NEGR1: variants seen among roughly 807,000 people sequenced by gnomAD.
The protein encoded by NEGR1 is IgLON family member 4.
In NEGR1, 10 loss-of-function variants were observed where a neutral mutation model predicts 40.9. The observed-to-expected ratio is 0.24, with a 90% CI of 0.15 to 0.42. The LOEUF (loss-of-function observed/expected upper bound fraction) is 0.42, where lower values mean the gene tolerates loss of function less well. NEGR1 is among the 10% of genes least tolerant of loss of function. The probability of loss-of-function intolerance (pLI) is 1.00; values close to 1 mark genes in which losing one functional copy is unlikely to be tolerated. For missense variants in NEGR1, 352 were observed against 438.9 expected (o/e 0.80, Z 1.77); for synonymous variants, 185 against 166.8 (o/e 1.11, Z -0.84).
chr1:71,926,731 C>T (rs897953673), intron 2 of NEGR1, among the ~76,000 whole-genome samples: 6 of 151,526 alleles, frequency 4.0e-5, no homozygotes, highest in African/African-American at 1.5e-4. Context: ...ATATTATCAA[C>T]TTAGTAATTC....
At chr1:71,754,702 T>C (rs558643557) in intron 3 of NEGR1, among the ~76,000 whole-genome samples, 59 of 151,690 alleles carry the variant, frequency 3.9e-4, no homozygotes, top group African/African-American at 1.4e-3. Context: ...CTGAAAGTGC[T>C]TTTATGAAGG....
intron 2 of NEGR1, among the ~76,000 whole-genome samples, chr1:71,820,185 G>C (rs905914198): frequency 2.6e-5 from 4 of 151,986 alleles, no homozygotes; most frequent in African/African-American, 9.7e-5. Context: ...ACCAGTGGGG[G>C]CAAAATAAAC....
rs144159227 is a variant in NEGR1 at position 72,238,612 on chromosome 1, A to T, written c.176+43707T>A. ...GTACCATCCTCCTGAGGCACCTTCA[A>T]CCTGGCACTGGAAATCTAGCAAGGT... On this transcript the variant is annotated intron_variant, in intron 1 of 6. Transcript: ENST00000357731. Among the ~76,000 whole-genome samples the T allele has an allele frequency of 4.8e-3, 722 of 151,952 alleles. 7 individuals carry two copies. Among genetic ancestry groups the T allele is most frequent in the African/African-American group, 0.017 (695 of 41,512 alleles).
intron 4 of NEGR1, among the ~76,000 whole-genome samples, chr1:71,662,694 T>G (rs1306981892): frequency 6.6e-6 from 1 of 151,176 alleles, no homozygotes; most frequent in Non-Finnish European, 1.5e-5. Flanking sequence ...CAAGAATATA[T>G]ATATAATATT....
At chr1:71,851,986 T>C (rs1005198896) in intron 2 of NEGR1, among the ~76,000 whole-genome samples, 1 of 152,238 alleles carries the variant, frequency 6.6e-6, no homozygotes, top group South Asian at 2.1e-4. Flanking sequence ...ATTCAGGAAA[T>C]AGCATAGCAA....
At chr1:72,153,829 G>A (rs532803996) in intron 1 of NEGR1, among the ~76,000 whole-genome samples, 3 of 151,902 alleles carry the variant, frequency 2.0e-5, no homozygotes, top group East Asian at 3.9e-4. Flanking sequence ...ACTAACTCAC[G>A]GTAGCATGGA....
intron 6 of NEGR1, among the ~76,000 whole-genome samples, chr1:71,500,050 A>T (rs1033698213): frequency 5.3e-5 from 8 of 152,110 alleles, no homozygotes; most frequent in Non-Finnish European, 1.0e-4. Context: ...TTATGAATTT[A>T]AAAAATCAAA....
intron 1 of NEGR1, among the ~76,000 whole-genome samples, chr1:72,166,683 T>C (rs559717402): frequency 6.6e-6 from 1 of 152,200 alleles, no homozygotes; most frequent in South Asian, 2.1e-4. Context: ...TACTGCATGA[T>C]CTCACTTATG....
chr1:71,415,708 T>C (rs1030883307), intron 6 of NEGR1, among the ~76,000 whole-genome samples: 2 of 152,160 alleles, frequency 1.3e-5, no homozygotes, highest in African/African-American at 4.8e-5. Context: ...GTTTTCCAAA[T>C]GTTTTGGATT....
chr1:71,535,805 T>A (rs1647492343), intron 6 of NEGR1, among the ~76,000 whole-genome samples: 1 of 151,686 alleles, frequency 6.6e-6, no homozygotes, highest in Non-Finnish European at 1.5e-5. Flanking sequence ...AGGACTCAGA[T>A]AAAATAGGGA....
At chr1:71,829,232 A>C (rs772863709) in intron 2 of NEGR1, among the ~76,000 whole-genome samples, 1 of 151,820 alleles carries the variant, frequency 6.6e-6, no homozygotes, top group Non-Finnish European at 1.5e-5. Context: ...TTTTCCTTTG[A>C]GTTTTTTTTC....
At chr1:71,553,206 A>G (rs1648142947) in intron 6 of NEGR1, among the ~76,000 whole-genome samples, 1 of 151,564 alleles carries the variant, frequency 6.6e-6, no homozygotes, top group Admixed American at 6.6e-5. Context: ...AAAATATCTT[A>G]ACTTTTGATT....
At chr1:71,604,427 G>A (rs1650018291) in intron 5 of NEGR1, among the ~76,000 whole-genome samples, 1 of 151,922 alleles carries the variant, frequency 6.6e-6, no homozygotes, top group African/African-American at 2.4e-5. Flanking sequence ...AATATAAGAA[G>A]GGGAGAAGAC....
At chr1:72,000,426 A>T (rs1033154383) in intron 1 of NEGR1, among the ~76,000 whole-genome samples, 3 of 150,970 alleles carry the variant, frequency 2.0e-5, no homozygotes, top group African/African-American at 7.3e-5. Flanking sequence ...GGCAAAATAT[A>T]AAAAAAAATG....
intron 3 of NEGR1, among the ~76,000 whole-genome samples, chr1:71,724,532 C>A (rs1162386067): frequency 6.6e-6 from 1 of 151,976 alleles, no homozygotes; most frequent in Non-Finnish European, 1.5e-5. Context: ...CATTGGATGG[C>A]ATATGTTGTT....
At chr1:71,613,684 A>G (rs1442507746) in intron 4 of NEGR1, among the ~76,000 whole-genome samples, 1 of 151,886 alleles carries the variant, frequency 6.6e-6, no homozygotes, top group Non-Finnish European at 1.5e-5. Flanking sequence ...TTTTGGAGGG[A>G]AACATTAGGA....
At chr1:72,264,998 G>A (rs1009565433) in intron 1 of NEGR1, among the ~76,000 whole-genome samples, 24 of 150,284 alleles carry the variant, frequency 1.6e-4, no homozygotes, top group African/African-American at 5.3e-4. Context: ...ATAAATTTCC[G>A]GTTATTTATT....
chr1:71,465,504 T>G (rs1186307417), intron 6 of NEGR1, among the ~76,000 whole-genome samples: 1 of 152,070 alleles, frequency 6.6e-6, no homozygotes, highest in East Asian at 1.9e-4. Context: ...ACATGTTGAT[T>G]TGGAGAAAAA....
rs75044687 is a variant in NEGR1, at chr1:72,162,226, T to C, written c.176+120093A>G. 1.7e-4 allele frequency among the ~76,000 whole-genome samples: 26 copies of C among 151,198 alleles called. No homozygotes were observed. The East Asian group carries it at 5.1e-3, about 30-fold the overall frequency. On this transcript the variant is annotated intron_variant, in intron 1 of 6. Transcript: ENST00000357731. Reference sequence around the variant, plus strand: ...CAGCACTTTGAGAGGCCGAGGCGGGTGGATCACCTGAGGTCAGGAGTTCGA... The same window carrying C: ...CAGCACTTTGAGAGGCCGAGGCGGGCGGATCACCTGAGGTCAGGAGTTCGA...
Sources: allele counts gnomAD v4.1 joint callset (sites outside exome capture counted in the v4.1 genomes callset), GRCh38; gene constraint gnomAD v4.1.1; transcripts MANE v1.5; gene names NCBI Gene and HGNC (gene_info 2026-07-23, HGNC 2026-07-21).